The following MAST4 variants were observed in gnomAD, a reference collection of about 807,000 sequenced individuals.
MAST4 encodes the protein microtubule-associated serine/threonine-protein kinase 4.
Under a neutral mutation model 162.7 loss-of-function variants are expected in MAST4, and 89 were observed. The ratio of observed to expected loss-of-function variants is 0.55; its 90% CI spans 0.46 to 0.65. MAST4 has a LOEUF of 0.65. MAST4 is among the 30% of genes least tolerant of loss of function. The pLI is 0.00. For synonymous variants in MAST4, 1,479 were observed against 1,361.1 expected (o/e 1.09, Z -1.91); for missense variants, 3,153 against 3,374.0 (o/e 0.93, Z 1.62).
rs1774097787 is a variant in MAST4, at chr5:67,166,941, G to A, written c.7762G>A (p.Ala2588Thr). Reference sequence around the variant, plus strand: ...CAGAGACGTGACCAAGCCATCCCCAGCCCCAAACACTGACCGCCCCATCTC... The same window carrying A: ...CAGAGACGTGACCAAGCCATCCCCAACCCCAAACACTGACCGCCCCATCTC... ...VGRDVTKPSPAPNTDRPISLS... is the reference protein window; with the variant it reads ...VGRDVTKPSPTPNTDRPISLS... The change falls in exon 29 of 29, where the codon GCC (alanine) becomes ACC (threonine). Residue 2588 changes from alanine (A) to threonine (T), a missense_variant. By Grantham distance (58) the Ala-to-Thr change is moderately conservative. This residue lies in a region of MAST4 where 1,644 missense variants were observed against 1,495.0 expected (regional missense o/e 1.10). Coordinates refer to ENST00000403625, the MANE Select transcript of MAST4 (RefSeq NM_001164664.2). 1 of 1,612,396 alleles carries A rather than the reference G, an allele frequency of 6.2e-7. No individual in the cohort carries two copies. Among genetic ancestry groups the A allele is most frequent in the African/African-American group, 1.3e-5 (1 of 75,008 alleles).
chr5:66,615,146 GGTTT>G (rs1713239918), intron 1 of MAST4, among the ~76,000 whole-genome samples: 1 of 152,122 alleles, frequency 6.6e-6, no homozygotes, highest in African/African-American at 2.4e-5. Context: ...TGTGGAGGGT[GGTTT>G]GTTTGTTTTG....
rs749793010 is a variant in MAST4, at chr5:67,145,144, G to A, written c.2859G>A (p.Met953Ile). ...GACTTTGTTTTTGCTTTTAATTAAG[G>A]CAACAGCTATCAACATCCAACTCTT... ...TLSWSSEYSEMQQLSTSNSSD... is the reference protein window; with the variant it reads ...TLSWSSEYSEIQQLSTSNSSD... Residue 953 changes from methionine to isoleucine, a missense_variant and splice_region_variant, in exon 23 of 29, where the codon ATG becomes ATA. Physicochemically the swap from Met to Ile is conservative, Grantham distance 10 (BLOSUM62 1). Around this residue, in one of 7 missense-constraint regions of MAST4, gnomAD observed 619 missense variants for 744.2 expected, o/e 0.83. Coordinates refer to ENST00000403625, the MANE Select transcript of MAST4 (RefSeq NM_001164664.2). The A allele has an allele frequency of 1.2e-6, 2 of 1,602,436 alleles. No individual in the cohort carries two copies. The highest frequency in any genetic ancestry group is 1.7e-6 in the Non-Finnish European group (2 of 1,173,452).
chr5:66,838,652 G>A (rs1410353249), intron 3 of MAST4, among the ~76,000 whole-genome samples: 1 of 152,180 alleles, frequency 6.6e-6, no homozygotes, highest in Non-Finnish European at 1.5e-5. Context: ...AGGAAGCCGG[G>A]AAGCCTTCAT....
chr5:67,001,076 A>T (rs1428766358), intron 4 of MAST4, among the ~76,000 whole-genome samples: 1 of 152,224 alleles, frequency 6.6e-6, no homozygotes, highest in African/African-American at 2.4e-5. Context: ...ATATTGACCT[A>T]GACCAGCTAT....
chr5:67,034,771 A>G (rs924318206), intron 4 of MAST4, among the ~76,000 whole-genome samples: 9 of 152,218 alleles, frequency 5.9e-5, no homozygotes, highest in African/African-American at 2.2e-4. Context: ...ATTTAACAAT[A>G]AAAGCTGGGA....
At chr5:66,889,093 C>G (rs1454882491) in intron 3 of MAST4, among the ~76,000 whole-genome samples, 1 of 152,018 alleles carries the variant, frequency 6.6e-6, no homozygotes, top group Non-Finnish European at 1.5e-5. Flanking sequence ...GGAATTGGAC[C>G]CAACAATAAG....
intron 3 of MAST4, among the ~76,000 whole-genome samples, chr5:66,844,446 T>C (rs1758664564): frequency 6.6e-6 from 1 of 152,134 alleles, no homozygotes; most frequent in African/African-American, 2.4e-5. Flanking sequence ...ACTACTGTTG[T>C]CTCTTGGTAT....
chr5:66,817,200 A>G (rs1228544927), intron 3 of MAST4, among the ~76,000 whole-genome samples: 3 of 152,204 alleles, frequency 2.0e-5, no homozygotes, highest in Non-Finnish European at 4.4e-5. Context: ...TGCCTGATTC[A>G]TAGTAGATAT....
At chr5:66,872,286 C>A (rs567905919) in intron 3 of MAST4, among the ~76,000 whole-genome samples, 1 of 152,162 alleles carries the variant, frequency 6.6e-6, no homozygotes, top group African/African-American at 2.4e-5. Flanking sequence ...TCTCCTGTCT[C>A]AGCCTCCCAA....
intron 4 of MAST4, among the ~76,000 whole-genome samples, chr5:67,036,676 G>A (rs189907007): frequency 1.1e-4 from 16 of 152,196 alleles, no homozygotes; most frequent in South Asian, 2.1e-4. Context: ...ATCTTATACC[G>A]TATTGTATAG....
chr5:66,919,531 C>A (rs552738101), intron 4 of MAST4, among the ~76,000 whole-genome samples: 4 of 151,982 alleles, frequency 2.6e-5, no homozygotes, highest in African/African-American at 9.6e-5. Flanking sequence ...CATGGTGGCA[C>A]ACGCCTGTAA....
intron 1 of MAST4, among the ~76,000 whole-genome samples, chr5:66,748,138 A>G (rs1419529249): frequency 6.6e-6 from 1 of 151,918 alleles, no homozygotes; most frequent in Non-Finnish European, 1.5e-5. Context: ...AATGCAAGGA[A>G]CTGAAAGGAT....
intron 1 of MAST4, among the ~76,000 whole-genome samples, chr5:66,634,883 CCTTCT>C (rs1745006209): frequency 1.3e-5 from 2 of 152,216 alleles, no homozygotes; most frequent in African/African-American, 4.8e-5. Flanking sequence ...CCCTCTGCTT[CCTTCT>C]CTTAGGACAG....
chr5:67,154,631 C>T (rs1179015485), intron 26 of MAST4, among the ~76,000 whole-genome samples: 2 of 152,176 alleles, frequency 1.3e-5, no homozygotes, highest in East Asian at 1.9e-4. Context: ...CAACCCAAAG[C>T]CTTCATTTCT....
intron 4 of MAST4, among the ~76,000 whole-genome samples, chr5:66,907,308 C>G (rs142510548): frequency 1.3e-5 from 2 of 149,918 alleles, no homozygotes; most frequent in African/African-American, 2.5e-5. Flanking sequence ...GCAAACTTCC[C>G]GAGGCTTTAC....
intron 3 of MAST4, among the ~76,000 whole-genome samples, chr5:66,800,498 C>T (rs1755863743): frequency 6.6e-6 from 1 of 152,050 alleles, no homozygotes; most frequent in African/African-American, 2.4e-5. Context: ...ATGATGAGAA[C>T]ACGTGGGCAC....
At chr5:66,822,899 G>A (rs1293912444) in intron 3 of MAST4, among the ~76,000 whole-genome samples, 1 of 152,138 alleles carries the variant, frequency 6.6e-6, no homozygotes, top group Non-Finnish European at 1.5e-5. Flanking sequence ...CCTGACCAAG[G>A]TTGGTATCTT....
At chr5:66,686,747 C>A (rs992185494) in intron 1 of MAST4, among the ~76,000 whole-genome samples, 1 of 152,124 alleles carries the variant, frequency 6.6e-6, no homozygotes, top group Admixed American at 6.5e-5. Context: ...CAGTCTCTCC[C>A]GGAAGTTGCC....
chr5:66,791,832 C>T (rs1036701436), intron 3 of MAST4, among the ~76,000 whole-genome samples: 1 of 152,114 alleles, frequency 6.6e-6, no homozygotes, highest in African/African-American at 2.4e-5. Flanking sequence ...ACTATTTGCC[C>T]CTCACCTTCT....
Sources: gnomAD v4.1 joint callset for allele counts (sites outside exome capture counted in the v4.1 genomes callset) on GRCh38, gnomAD v4.1.1 for gene constraint, gnomAD v4.1.1 regional missense constraint, MANE v1.5 for transcripts, NCBI Gene and HGNC (gene_info 2026-07-23, HGNC 2026-07-21) for gene names.